Variants in CADM2 observed in about 807,000 individuals in gnomAD.
The protein encoded by CADM2 is cell adhesion molecule 2.
CADM2 carries 12 observed loss-of-function variants against 49.8 expected under a neutral mutation model. The observed-to-expected ratio is 0.24, with a 90% CI of 0.15 to 0.39. The LOEUF (loss-of-function observed/expected upper bound fraction) is 0.39. Ranked by LOEUF, CADM2 falls within the 10% of genes least tolerant of loss-of-function variation. The pLI, the probability that CADM2 is intolerant of heterozygous loss-of-function variation, is 1.00. For missense variants in CADM2, 378 were observed against 492.3 expected (o/e 0.77, Z 2.20); for synonymous variants, 214 against 175.4 (o/e 1.22, Z -1.74).
Position 86,070,224 on chromosome 3 carries a change from A to G in CADM2, c.*3441A>G, listed in dbSNP as rs774504657. 1 of 151,938 alleles carries G rather than the reference A, an allele frequency of 6.6e-6. No individual in the cohort carries two copies. The highest frequency in any genetic ancestry group is 1.5e-5 in the Non-Finnish European group (1 of 67,862). 9.4% of individuals were successfully genotyped at this position (151,938 alleles called of 1,614,324 possible). ...AGAAACTAACACCTCATTTATTTTT[A>G]TTTCTTTGTAAAAATATAAATATCT... On this transcript the variant is annotated 3_prime_UTR_variant, in exon 10 of 10. Coordinates refer to ENST00000383699, the MANE Select transcript of CADM2 (RefSeq NM_001167675.2).
intron 1 of CADM2, among the ~76,000 whole-genome samples, chr3:85,568,664 AG>A (rs2107228725): frequency 7.4e-6 from 1 of 135,128 alleles, no homozygotes; most frequent in South Asian, 2.3e-4. Flanking sequence ...GTGCAGTGGC[AG>A]GATCTCGGCT....
intron 3 of CADM2, among the ~76,000 whole-genome samples, chr3:85,863,097 CAT>C (rs1280641970): frequency 6.6e-6 from 1 of 152,164 alleles, no homozygotes; most frequent in East Asian, 1.9e-4. Flanking sequence ...AGTCTGGAGA[CAT>C]AAATATAGGC....
rs1359949376 is a variant in CADM2 at position 85,537,490 on chromosome 3, TTGTTTG to T, written c.62-189028_62-189023del. ...GTCAAGTACAAGTACGCATGCATGG[TTGTTTG>T]TGTGTGTGTGTGTGTGTGTGCGTGT... On this transcript the variant is annotated intron_variant, in intron 1 of 9. Transcript: ENST00000383699. Among the ~76,000 whole-genome samples, 4 of 134,066 alleles carry T rather than the reference TTGTTTG, an allele frequency of 3.0e-5. 1 individual carries two copies. Among genetic ancestry groups the T allele is most frequent in the South Asian group, 4.7e-4 (2 of 4,226 alleles). The allele number at this position is 134,066 out of a possible 152,430, so 88.0% of individuals were successfully genotyped here.
chr3:85,004,548 G>A (rs2033632600), intron 1 of CADM2, among the ~76,000 whole-genome samples: 1 of 152,252 alleles, frequency 6.6e-6, no homozygotes, highest in African/African-American at 2.4e-5. Flanking sequence ...TCTGAGGCAT[G>A]TATGTGAGAT....
chr3:84,970,218 G>A (rs2031323360), intron 1 of CADM2, among the ~76,000 whole-genome samples: 1 of 150,142 alleles, frequency 6.7e-6, no homozygotes, highest in African/African-American at 2.4e-5. Flanking sequence ...TGTTTTTAAT[G>A]TTTAGTTATT....
chr3:85,175,917 A>C (rs981083762), intron 1 of CADM2, among the ~76,000 whole-genome samples: 6 of 125,420 alleles, frequency 4.8e-5, no homozygotes, highest in Non-Finnish European at 8.0e-5. Flanking sequence ...TTATGTCCTA[A>C]TCTTTTTTTT....
At chr3:85,727,176 C>A (rs1030448287) in intron 2 of CADM2, among the ~76,000 whole-genome samples, 1 of 151,932 alleles carries the variant, frequency 6.6e-6, no homozygotes, top group African/African-American at 2.4e-5. Context: ...GTATCATAGA[C>A]CTATCATTTA....
At chr3:85,340,388 C>G (rs1237736537) in intron 1 of CADM2, among the ~76,000 whole-genome samples, 1 of 151,424 alleles carries the variant, frequency 6.6e-6, no homozygotes, top group Non-Finnish European at 1.5e-5. Context: ...GAACATTAGT[C>G]TTTTCCTGTA....
chr3:85,355,810 G>A (rs2163972), intron 1 of CADM2, among the ~76,000 whole-genome samples: 48,869 of 151,810 alleles, frequency 0.32, 8,150 homozygotes, highest in South Asian at 0.39. Context: ...TGTGTTTGAT[G>A]CAGAATAAAG....
At chr3:85,773,400 A>C (rs1338867640) in intron 2 of CADM2, among the ~76,000 whole-genome samples, 1 of 152,062 alleles carries the variant, frequency 6.6e-6, no homozygotes, top group Non-Finnish European at 1.5e-5. Flanking sequence ...CAGTCTCTGC[A>C]CAAGGAACTT....
intron 1 of CADM2, among the ~76,000 whole-genome samples, chr3:85,150,884 G>A (rs78122814): frequency 0.054 from 8,184 of 151,286 alleles, 268 homozygotes; most frequent in East Asian, 0.14. Context: ...ACTCCAGCCC[G>A]GGCGACAATG....
chr3:85,504,625 C>T (rs953844932), intron 1 of CADM2, among the ~76,000 whole-genome samples: 1 of 152,226 alleles, frequency 6.6e-6, no homozygotes, highest in Non-Finnish European at 1.5e-5. Flanking sequence ...CAGTAGATAC[C>T]TCACCGGGGC....
rs1438780405 is a variant in CADM2 at position 85,240,905 on chromosome 3, A to G, written c.61+281237A>G. Among the ~76,000 whole-genome samples, 10 of 151,670 alleles carry G rather than the reference A, an allele frequency of 6.6e-5. No homozygotes were observed. The Middle Eastern group carries it at 0.01, about 155-fold the overall frequency. On this transcript the variant is annotated intron_variant, in intron 1 of 9. Coordinates refer to ENST00000383699, the MANE Select transcript of CADM2 (RefSeq NM_001167675.2). ...TTTGGGGTAGATGTAATATTTTGAT[A>G]CAGGCATACAATGCATGATGATCAA...
chr3:86,016,024 A>G (rs1295619580), intron 8 of CADM2, among the ~76,000 whole-genome samples: 1 of 152,140 alleles, frequency 6.6e-6, no homozygotes, highest in Non-Finnish European at 1.5e-5. Flanking sequence ...CAAAATGTGA[A>G]TTTTGTTTAA....
intron 1 of CADM2, among the ~76,000 whole-genome samples, chr3:85,591,465 A>G (rs1311583601): frequency 6.6e-6 from 1 of 151,940 alleles, no homozygotes; most frequent in Admixed American, 6.6e-5. Context: ...TTTTTTGCAG[A>G]TTTATGGTGA....
chr3:84,995,295 A>G (rs904280001), intron 1 of CADM2, among the ~76,000 whole-genome samples: 3 of 152,204 alleles, frequency 2.0e-5, no homozygotes, highest in African/African-American at 4.8e-5. Flanking sequence ...TGTTAACCTG[A>G]TAAAGCAGAA....
intron 1 of CADM2, among the ~76,000 whole-genome samples, chr3:85,421,592 C>T (rs2036174553): frequency 6.6e-6 from 1 of 152,136 alleles, no homozygotes; most frequent in South Asian, 2.1e-4. Flanking sequence ...AACTGATTAC[C>T]TACACCTCAT....
chr3:85,670,083 T>G (rs568052044), intron 1 of CADM2, among the ~76,000 whole-genome samples: 1 of 152,228 alleles, frequency 6.6e-6, no homozygotes, highest in African/African-American at 2.4e-5. Context: ...CTAAGGTCTC[T>G]TTCAGTGCAA....
At chr3:85,424,848 T>A (rs1426279848) in intron 1 of CADM2, among the ~76,000 whole-genome samples, 2 of 152,126 alleles carry the variant, frequency 1.3e-5, no homozygotes, top group East Asian at 3.8e-4. Flanking sequence ...GACACTAGAA[T>A]ATAATTAATT....
Sources: allele counts gnomAD v4.1 joint callset (sites outside exome capture counted in the v4.1 genomes callset), GRCh38; gene constraint gnomAD v4.1.1; transcripts MANE v1.5; gene names NCBI Gene and HGNC (gene_info 2026-07-23, HGNC 2026-07-21).